Variants in BABAM2 observed in about 807,000 individuals in gnomAD.
BABAM2 encodes the protein BRISC and BRCA1 A complex member 2, also known as BRISC and BRCA1-A complex member 2.
In BABAM2, 31 loss-of-function variants were observed where a neutral mutation model predicts 54.7. The ratio of observed to expected loss-of-function variants is 0.57; its 90% CI spans 0.43 to 0.77. The LOEUF (loss-of-function observed/expected upper bound fraction) is 0.77. Among genes scored for constraint, BABAM2 ranks in the 30% least tolerant of loss-of-function variants. The probability of loss-of-function intolerance (pLI) is 0.00; values close to 1 mark genes in which losing one functional copy is unlikely to be tolerated. For synonymous variants in BABAM2, 167 were observed against 162.9 expected (o/e 1.03, Z -0.19); for missense variants, 364 against 455.8 (o/e 0.80, Z 1.83).
intron 3 of BABAM2, among the ~76,000 whole-genome samples, chr2:27,956,851 G>A (rs2148419508): frequency 6.6e-6 from 1 of 152,260 alleles, no homozygotes; most frequent in South Asian, 2.1e-4. Context: ...ATTCTTAATA[G>A]ATCAATTCTT....
intron 4 of BABAM2, among the ~76,000 whole-genome samples, chr2:27,990,948 A>G (rs923978002): frequency 3.3e-5 from 5 of 152,086 alleles, no homozygotes; most frequent in African/African-American, 1.2e-4. Context: ...CAATGAGGCC[A>G]CCTCTTTCTA....
chr2:27,929,797 ATCTTT>A (rs761089362), intron 2 of BABAM2, 30 bp from the exon 3 acceptor site: 2 of 1,587,856 alleles, frequency 1.3e-6, no homozygotes, highest in Non-Finnish European at 1.7e-6. Flanking sequence ...TTTTTAAAAA[ATCTTT>A]TCTTTCTTCT....
chr2:27,933,468 C>T (rs934865292), intron 3 of BABAM2, among the ~76,000 whole-genome samples: 2 of 150,742 alleles, frequency 1.3e-5, no homozygotes, highest in Admixed American at 1.3e-4. Flanking sequence ...TTTTAAAAAA[C>T]ACATATATAT....
chr2:28,050,391 A>G (rs182991180), intron 6 of BABAM2, among the ~76,000 whole-genome samples: 1 of 152,170 alleles, frequency 6.6e-6, no homozygotes, highest in South Asian at 2.1e-4. Context: ...GATTTATACT[A>G]TACAGTGTGG....
chr2:27,974,357 G>A (rs907756741), intron 3 of BABAM2, among the ~76,000 whole-genome samples: 4 of 151,996 alleles, frequency 2.6e-5, no homozygotes, highest in African/African-American at 9.7e-5. Context: ...ACATATATAT[G>A]TATACAACAT....
intron 6 of BABAM2, among the ~76,000 whole-genome samples, chr2:28,123,364 G>A (rs1053671019): frequency 2.0e-5 from 3 of 152,172 alleles, no homozygotes; most frequent in African/African-American, 7.2e-5. Flanking sequence ...TTATAAAGGT[G>A]GGGGACAATA....
At chr2:28,026,989 A>AATATATATAAATATATATATAT (rs1558668333) in intron 5 of BABAM2, among the ~76,000 whole-genome samples, 1 of 110,046 alleles carries the variant, frequency 9.1e-6, no homozygotes, top group Non-Finnish European at 1.7e-5. Flanking sequence ...AATATATATA[A>AATATATATAAATATATATATAT]AAATATATAA....
intron 2 of BABAM2, among the ~76,000 whole-genome samples, chr2:27,921,526 T>A (rs1667347178): frequency 6.6e-6 from 1 of 152,172 alleles, no homozygotes; most frequent in Non-Finnish European, 1.5e-5. Context: ...ATTAAGAAAG[T>A]GGGCCATGGA....
At chr2:28,332,701 C>T (rs538554344) in intron 11 of BABAM2, among the ~76,000 whole-genome samples, 57 of 152,332 alleles carry the variant, frequency 3.7e-4, no homozygotes, top group Non-Finnish European at 6.0e-4. Context: ...AGCATCATCC[C>T]TGGTCAAGCC....
intron 6 of BABAM2, among the ~76,000 whole-genome samples, chr2:28,055,959 G>T (rs1002764296): frequency 1.3e-5 from 2 of 152,182 alleles, no homozygotes; most frequent in African/African-American, 4.8e-5. Context: ...TGAGCCTGGA[G>T]GATATGATGC....
intron 3 of BABAM2, among the ~76,000 whole-genome samples, chr2:27,958,774 A>G (rs1017629420): frequency 2.6e-5 from 4 of 152,050 alleles, no homozygotes; most frequent in African/African-American, 9.7e-5. Flanking sequence ...TTTTGTCATT[A>G]AGTGTGAGTG....
At chr2:28,076,838 A>G (rs115644692) in intron 6 of BABAM2, among the ~76,000 whole-genome samples, 1,719 of 152,102 alleles carry the variant, frequency 0.011, 22 homozygotes, top group African/African-American at 0.039. Flanking sequence ...TTATCATCTC[A>G]ATTTTCTCTT....
chr2:27,920,184 T>C (rs866983307), intron 2 of BABAM2, among the ~76,000 whole-genome samples: 1 of 152,180 alleles, frequency 6.6e-6, no homozygotes, highest in Non-Finnish European at 1.5e-5. Context: ...TTGTCTTCTT[T>C]TACCGATTTT....
At chr2:27,913,609 C>T (rs527857159) in intron 2 of BABAM2, among the ~76,000 whole-genome samples, 1 of 152,112 alleles carries the variant, frequency 6.6e-6, no homozygotes, top group East Asian at 1.9e-4. Flanking sequence ...ATACACACAC[C>T]AAAGAATGGC....
At chr2:27,902,327 C>T (rs1558573421) in intron 2 of BABAM2, among the ~76,000 whole-genome samples, 2 of 152,128 alleles carry the variant, frequency 1.3e-5, no homozygotes. Context: ...TGTGAATTTT[C>T]ATTTCGGTTA....
At chr2:28,301,616 C>A (rs987076606) in intron 11 of BABAM2, among the ~76,000 whole-genome samples, 2 of 152,188 alleles carry the variant, frequency 1.3e-5, no homozygotes, top group Non-Finnish European at 2.9e-5. Flanking sequence ...TGCCTTTGCT[C>A]ACGCCTTTCC....
At chr2:28,216,741 G>C (rs140075249) in intron 7 of BABAM2, among the ~76,000 whole-genome samples, 1 of 152,286 alleles carries the variant, frequency 6.6e-6, no homozygotes, top group African/African-American at 2.4e-5. Context: ...TAAGAAGAAA[G>C]AAACAGTTAT....
At chr2:28,163,839 T>TGAGGCC (rs201336853) in intron 7 of BABAM2, among the ~76,000 whole-genome samples, 1,552 of 152,322 alleles carry the variant, frequency 0.01, 26 homozygotes, top group African/African-American at 0.035. Context: ...AGATGAGAAT[T>TGAGGCC]GAGGCCATCC....
intron 4 of BABAM2, among the ~76,000 whole-genome samples, chr2:28,004,340 A>G (rs947991655): frequency 2.6e-5 from 4 of 152,198 alleles, no homozygotes; most frequent in Non-Finnish European, 4.4e-5. Flanking sequence ...TGAATTGACA[A>G]TGACTCAGTA....
Sources: allele counts gnomAD v4.1 joint callset (sites outside exome capture counted in the v4.1 genomes callset), GRCh38; gene constraint gnomAD v4.1.1; transcripts MANE v1.5; gene names NCBI Gene and HGNC (gene_info 2026-07-23, HGNC 2026-07-21).